ADAMTSL3: variants seen among roughly 807,000 people sequenced by gnomAD.
The protein encoded by ADAMTSL3 is ADAMTS-like protein 3.
ADAMTSL3 carries 128 observed loss-of-function variants against 201.7 expected under a neutral mutation model. The ratio of observed to expected loss-of-function variants is 0.63; its 90% confidence interval spans 0.55 to 0.73. The LOEUF (loss-of-function observed/expected upper bound fraction) is 0.73. Ranked by LOEUF, ADAMTSL3 falls within the 30% of genes least tolerant of loss-of-function variation. The pLI is 0.00. For missense variants in ADAMTSL3, 1,990 were observed against 2,119.6 expected, an observed-to-expected ratio of 0.94 and a Z score of 1.20; for synonymous variants, 738 against 748.4, an observed-to-expected ratio of 0.99 and a Z score of 0.23.
chr15:83,732,945 A>G (rs2062305551), intron 3 of ADAMTSL3, among the ~76,000 whole-genome samples: 3 of 152,280 alleles, frequency 2.0e-5, no homozygotes, highest in Admixed American at 2.0e-4. Flanking sequence ...GTTCATTAGA[A>G]TCTGTCAAAA....
intron 2 of ADAMTSL3, among the ~76,000 whole-genome samples, chr15:83,669,251 T>C (rs2061290660): frequency 6.6e-6 from 1 of 152,056 alleles, no homozygotes. Flanking sequence ...GTTCAAGCGA[T>C]TCTCCTGCCT....
At chr15:83,743,998 G>T (rs977507776) in intron 3 of ADAMTSL3, among the ~76,000 whole-genome samples, 1 of 151,742 alleles carries the variant, frequency 6.6e-6, no homozygotes, top group Non-Finnish European at 1.5e-5. Context: ...CTACAGGTGC[G>T]TGCCACCACT....
intron 4 of ADAMTSL3, among the ~76,000 whole-genome samples, chr15:83,801,670 A>ATATATATATATATATATATG: frequency 1.5e-5 from 1 of 66,242 alleles, no homozygotes; most frequent in Non-Finnish European, 3.4e-5. Context: ...ATATATATAT[A>ATATATATATATATATATATG]TATATATATA....
intron 23 of ADAMTSL3, among the ~76,000 whole-genome samples, chr15:83,993,620 T>G (rs73443179): frequency 0.014 from 2,098 of 152,318 alleles, 58 homozygotes; most frequent in African/African-American, 0.048. Flanking sequence ...TGGATATCAA[T>G]AGGGATTATC....
intron 6 of ADAMTSL3, among the ~76,000 whole-genome samples, chr15:83,824,360 G>A (rs565096380): frequency 6.6e-6 from 1 of 152,166 alleles, no homozygotes; most frequent in South Asian, 2.1e-4. Context: ...ACAAAATTTA[G>A]TGGAAGGTGG....
intron 3 of ADAMTSL3, among the ~76,000 whole-genome samples, chr15:83,773,144 A>G (rs886785341): frequency 1.1e-4 from 17 of 152,102 alleles, no homozygotes; most frequent in African/African-American, 3.9e-4. Flanking sequence ...GTCTTTGTGA[A>G]GAGCTTAGAA....
At chr15:83,911,015 T>G (rs113653061) in intron 15 of ADAMTSL3, among the ~76,000 whole-genome samples, 10 of 152,234 alleles carry the variant, frequency 6.6e-5, no homozygotes, top group African/African-American at 2.4e-4. Flanking sequence ...TGAATGAAAA[T>G]ATCTACTTCC....
intron 6 of ADAMTSL3, 83 bp from the exon 7 acceptor site, chr15:83,838,006 A>G (rs2141977366): frequency 6.5e-7 from 1 of 1,530,412 alleles, no homozygotes; most frequent in Non-Finnish European, 8.8e-7. Context: ...TAAGGATTAC[A>G]TCACAACTAA....
At chr15:84,017,419 A>G (rs17158446) in intron 25 of ADAMTSL3, among the ~76,000 whole-genome samples, 7,276 of 152,262 alleles carry the variant, frequency 0.048, 595 homozygotes, top group African/African-American at 0.17. Context: ...GCCCGGCCAC[A>G]AAGAAACTCC....
At chr15:83,843,632 G>A (rs1452775479) in intron 7 of ADAMTSL3, among the ~76,000 whole-genome samples, 1 of 152,166 alleles carries the variant, frequency 6.6e-6, no homozygotes, top group Non-Finnish European at 1.5e-5. Context: ...GGAGCCTGCA[G>A]AATCTACGCA....
At chr15:83,927,719 T>TA (rs2066274943) in intron 17 of ADAMTSL3, among the ~76,000 whole-genome samples, 2 of 152,202 alleles carry the variant, frequency 1.3e-5, no homozygotes, top group Non-Finnish European at 2.9e-5. Flanking sequence ...TACTACAACA[T>TA]AAAGCCCAAA....
chr15:83,932,155 T>G (rs545811839), intron 17 of ADAMTSL3, among the ~76,000 whole-genome samples: 51 of 152,320 alleles, frequency 3.3e-4, no homozygotes, highest in African/African-American at 1.2e-3. Flanking sequence ...GGGAATATCA[T>G]GATCACCATA....
chr15:83,836,541 C>T (rs1880779713), intron 6 of ADAMTSL3, among the ~76,000 whole-genome samples: 3 of 152,146 alleles, frequency 2.0e-5, no homozygotes, highest in African/African-American at 7.2e-5. Flanking sequence ...ATTTCTTCTT[C>T]AACAGCTTGG....
intron 17 of ADAMTSL3, among the ~76,000 whole-genome samples, chr15:83,934,759 T>A (rs1306121378): frequency 6.6e-6 from 1 of 151,942 alleles, no homozygotes; most frequent in African/African-American, 2.4e-5. Flanking sequence ...GTAAAATAAT[T>A]CATCCAAAAA....
chr15:83,685,920 A>G (rs559743445), intron 2 of ADAMTSL3, among the ~76,000 whole-genome samples: 1 of 152,264 alleles, frequency 6.6e-6, no homozygotes, highest in South Asian at 2.1e-4. Context: ...GGAATATGAA[A>G]CTGCCTTTCC....
chr15:83,703,656 C>T (rs1390572684), intron 2 of ADAMTSL3, among the ~76,000 whole-genome samples: 3 of 152,128 alleles, frequency 2.0e-5, no homozygotes, highest in Non-Finnish European at 4.4e-5. Context: ...GATACTGAGG[C>T]CTCCCCAGCC....
At chr15:83,722,062 T>C (rs1442853937) in intron 3 of ADAMTSL3, among the ~76,000 whole-genome samples, 1 of 152,144 alleles carries the variant, frequency 6.6e-6, no homozygotes, top group African/African-American at 2.4e-5. Context: ...GACATTGCCT[T>C]TATGAAACTG....
intron 17 of ADAMTSL3, among the ~76,000 whole-genome samples, chr15:83,929,016 T>G (rs189316318): frequency 1.3e-5 from 2 of 152,332 alleles, no homozygotes; most frequent in Admixed American, 6.5e-5. Context: ...CTGAACTGTT[T>G]CACAAGTTTC....
chr15:83,680,597 T>C (rs951796344), intron 2 of ADAMTSL3, among the ~76,000 whole-genome samples: 2 of 151,672 alleles, frequency 1.3e-5, no homozygotes, highest in Admixed American at 6.6e-5. Context: ...TCTGTTCCCT[T>C]CTTTAAGAAC....
Sources: gnomAD v4.1 joint callset for allele counts (sites outside exome capture counted in the v4.1 genomes callset) on GRCh38, gnomAD v4.1.1 for gene constraint, MANE v1.5 for transcripts, NCBI Gene and HGNC (gene_info 2026-07-23, HGNC 2026-07-21) for gene names.